EFHB: variants seen among roughly 807,000 people sequenced by gnomAD.
EFHB encodes the protein EF-hand domain family member B.
Under a neutral mutation model 87.2 loss-of-function variants are expected in EFHB, and 91 were observed. That is an observed-to-expected ratio of 1.04 (90% confidence interval 0.88 to 1.24). The LOEUF is 1.24. EFHB is among the 50% of genes most tolerant of loss of function. The pLI, the probability that EFHB is intolerant of heterozygous loss-of-function variation, is 0.00. For synonymous variants in EFHB, 325 were observed against 333.6 expected, an observed-to-expected ratio of 0.97 and a Z score of 0.28; for missense variants, 1,084 against 998.8, an observed-to-expected ratio of 1.09 and a Z score of -1.15.
chr3:19,919,795 A>C lies in EFHB; in HGVS notation c.996+38T>G, dbSNP rs576670800. ...TGATTTGTGCATTTTCACCTTGGTA[A>C]ATTAATAATGTACAAGGAAAAAAAG... On this transcript the variant is annotated intron_variant, in intron 3 of 12. Transcript: ENST00000295824. 25 of 1,582,420 alleles carry C rather than the reference A, an allele frequency of 1.6e-5. No homozygotes were observed. In the South Asian group the frequency reaches 2.7e-4, roughly 17 times the overall value.
At chr3:19,900,898 C>A (rs1248571295) in intron 6 of EFHB, among the ~76,000 whole-genome samples, 1 of 149,246 alleles carries the variant, frequency 6.7e-6, no homozygotes, top group East Asian at 1.9e-4. Context: ...CACGGCACCC[C>A]AGCCTGGGCA....
chr3:19,931,782 A>G (rs1391615612), intron 1 of EFHB, among the ~76,000 whole-genome samples: 2 of 152,182 alleles, frequency 1.3e-5, no homozygotes, highest in African/African-American at 4.8e-5. Context: ...TTATTGAATG[A>G]CCACCATAAG....
At chr3:19,937,491 G>A (rs1458639899), upstream of EFHB, among the ~76,000 whole-genome samples, 2 of 151,914 alleles carry the variant, frequency 1.3e-5, no homozygotes, top group Non-Finnish European at 2.9e-5. Context: ...AGATCATCAG[G>A]ACCAAAGCTC....
At chr3:19,926,870 G>T (rs1695649216) in intron 1 of EFHB, among the ~76,000 whole-genome samples, 1 of 150,076 alleles carries the variant, frequency 6.7e-6, no homozygotes, top group African/African-American at 2.5e-5. Flanking sequence ...ATGTTGGTCA[G>T]GCTGGTCTCG....
intron 4 of EFHB, among the ~76,000 whole-genome samples, chr3:19,916,756 A>G (rs1185389018): frequency 1.3e-5 from 2 of 152,186 alleles, no homozygotes; most frequent in South Asian, 2.1e-4. Flanking sequence ...TCCATTTACA[A>G]TTTCACTCTT....
intron 5 of EFHB, among the ~76,000 whole-genome samples, chr3:19,906,680 G>A (rs972444503): frequency 7.0e-6 from 1 of 143,264 alleles, no homozygotes; most frequent in Admixed American, 7.0e-5. Flanking sequence ...AATTCCAATA[G>A]CATTCTTCAC....
chr3:19,941,278 G>A (rs910953851), intron 1 of EFHB: 1 of 272,592 alleles, frequency 3.7e-6, no homozygotes, highest in Non-Finnish European at 7.4e-6. Flanking sequence ...TCTTCAAATA[G>A]GGCATGTGTA....
At chr3:19,919,055 A>G (rs1695341999) in intron 3 of EFHB, among the ~76,000 whole-genome samples, 1 of 151,982 alleles carries the variant, frequency 6.6e-6, no homozygotes, top group South Asian at 2.1e-4. Flanking sequence ...AGTTCTCTTC[A>G]GATATAGAGA....
intron 1 of EFHB, among the ~76,000 whole-genome samples, chr3:19,939,619 C>T (rs927442790): frequency 1.3e-5 from 2 of 151,890 alleles, no homozygotes; most frequent in Admixed American, 6.6e-5. Context: ...CTCCTGACCT[C>T]GTGATCCGCC....
chr3:19,899,625 A>G (rs1694603345), intron 6 of EFHB, 110 bp from the exon 7 acceptor site: 1 of 634,676 alleles, frequency 1.6e-6, no homozygotes, highest in African/African-American at 1.9e-5. Flanking sequence ...CCAGGAACAA[A>G]TGTAGTTTCA....
chr3:19,945,423 C>T (rs1559482196), intron 1 of EFHB, among the ~76,000 whole-genome samples: 1 of 152,056 alleles, frequency 6.6e-6, no homozygotes, highest in Admixed American at 6.6e-5. Context: ...CTACCATGGA[C>T]CAGGTGTTGG....
chr3:19,904,931 G>A (rs1329974783), intron 6 of EFHB, among the ~76,000 whole-genome samples: 1 of 152,158 alleles, frequency 6.6e-6, no homozygotes, highest in Non-Finnish European at 1.5e-5. Flanking sequence ...CAAAGTTTAT[G>A]TGTTGGCTCG....
At chr3:19,882,057 AAAT>A (rs869031582) in intron 12 of EFHB, among the ~76,000 whole-genome samples, 1 of 111,050 alleles carries the variant, frequency 9.0e-6, no homozygotes, top group African/African-American at 4.4e-5. Flanking sequence ...ATAAATAAAT[AAAT>A]AATTAAATAA....
At position 19,905,587 on chromosome 3, in the gene EFHB, A is replaced by T. The variant is rs560592013; in HGVS notation, c.1418+33T>A. The T allele has an allele frequency of 7.5e-6, 12 of 1,593,332 alleles. No individual in the cohort carries two copies. In the South Asian group the frequency reaches 1.4e-4, roughly 18 times the overall value. ...TTTTCTTTAAGTCCAAATGTCTAAC[A>T]CTTGTTCCTGGGCACAGTATAATTA... On this transcript the variant is annotated intron_variant, in intron 6 of 12. Transcript: ENST00000295824.
rs1348448310 is a variant in EFHB at position 19,888,529 on chromosome 3, G to A, written c.1848C>T (p.Phe616=). Residue 616 remains phenylalanine (F), a synonymous_variant, in exon 10 of 13, where the codon TTC becomes TTT. Transcript: ENST00000295824. The part of the protein sequence containing the change: ...FDYCDVDNDG[F]INYLEFANFL... Reference sequence around the variant, plus strand: ...AATTTGCGAATTCCAGATAGTTAATGAAGCCATCATTATCCACATCACAGT... The same window carrying A: ...AATTTGCGAATTCCAGATAGTTAATAAAGCCATCATTATCCACATCACAGT... 1 of 1,586,326 alleles carries A rather than the reference G, an allele frequency of 6.3e-7. No homozygotes were observed. The highest frequency in any genetic ancestry group is 8.6e-7 in the Non-Finnish European group (1 of 1,164,734).
chr3:19,888,789 T>A lies in EFHB; in HGVS notation c.1726-138A>T, dbSNP rs552304042. ...TGTCTCAATTTTCACAGAAGAGGAG[T>A]CAAATACGCTGGTTAGACCGTGGTA... is the stretch of plus-strand genomic sequence containing the variant. On this transcript the variant is annotated intron_variant, in intron 9 of 12. Coordinates refer to ENST00000295824, the MANE Select transcript of EFHB (RefSeq NM_144715.4). The A allele has an allele frequency of 6.2e-5, 44 of 708,120 alleles. No homozygotes were observed. The African/African-American group carries it at 7.1e-4, about 11-fold the overall frequency. 43.9% of individuals were successfully genotyped at this position (708,120 alleles called of 1,614,324 possible).
intron 5 of EFHB, among the ~76,000 whole-genome samples, chr3:19,914,194 G>A (rs1311844342): frequency 1.3e-5 from 2 of 152,180 alleles, no homozygotes; most frequent in Non-Finnish European, 1.5e-5. Context: ...GTGATCCGGC[G>A]CTGAGATTAC....
At chr3:19,909,347 G>A (rs529595674) in intron 5 of EFHB, among the ~76,000 whole-genome samples, 17 of 152,152 alleles carry the variant, frequency 1.1e-4, no homozygotes, top group East Asian at 3.9e-4. Context: ...GCTGATGCCC[G>A]TCCCCAGAGG....
intron 7 of EFHB, among the ~76,000 whole-genome samples, chr3:19,899,185 C>A (rs1052315302): frequency 2.0e-5 from 3 of 152,182 alleles, no homozygotes; most frequent in African/African-American, 7.2e-5. Context: ...TCTCTGATAT[C>A]CCAGAAATAA....
Sources: allele counts gnomAD v4.1 joint callset (sites outside exome capture counted in the v4.1 genomes callset), GRCh38; gene constraint gnomAD v4.1.1; transcripts MANE v1.5; gene names NCBI Gene and HGNC (gene_info 2026-07-23, HGNC 2026-07-21).